The following DNAH1 variants were observed in gnomAD, a reference collection of about 807,000 sequenced individuals.
DNAH1 encodes the protein dynein axonemal heavy chain 1.
DNAH1 carries 327 observed loss-of-function variants against 484.3 expected under a neutral mutation model. The ratio of observed to expected loss-of-function variants is 0.68; its 90% confidence interval spans 0.62 to 0.74. DNAH1 has a LOEUF of 0.74. Ranked by LOEUF, DNAH1 falls within the 30% of genes least tolerant of loss-of-function variation. The pLI is 0.00. For synonymous variants in DNAH1, 2,192 were observed against 2,191.9 expected, an observed-to-expected ratio of 1.00 and a Z score of 0.00; for missense variants, 5,052 against 5,546.8, an observed-to-expected ratio of 0.91 and a Z score of 2.83.
Position 52,363,056 on chromosome 3 carries a change from T to C in DNAH1, c.5156T>C (p.Leu1719Pro). ...TACGCCATGATCACTGAGATCTCCC[T>C]CTATTCCTTTGGCTTTAATGAGGCC... ...PDYAMITEISLYSFGFNEASV... is the reference protein window; with the variant it reads ...PDYAMITEISPYSFGFNEASV... Residue 1719 changes from leucine to proline, a missense_variant, in exon 32 of 78, where the codon CTC becomes CCC. By Grantham distance (98) the Leu-to-Pro change is moderately conservative (BLOSUM62 -3). This residue lies in a region of DNAH1 where 2,929 missense variants were observed against 3,409.4 expected (regional missense o/e 0.86). Transcript: ENST00000420323. 3 of 1,614,012 alleles carry C rather than the reference T, an allele frequency of 1.9e-6. No individual in the cohort carries two copies. Among genetic ancestry groups the C allele is most frequent in the Non-Finnish European group, 2.5e-6 (3 of 1,179,874 alleles).
chr3:52,326,613 G>A lies in DNAH1; in HGVS notation c.582-122G>A, dbSNP rs1246922419. 8.1e-6 allele frequency: 10 copies of A among 1,238,196 alleles called. No homozygotes were observed. In the South Asian group the frequency reaches 1.2e-4, roughly 15 times the overall value. 76.7% of individuals were successfully genotyped at this position (1,238,196 alleles called of 1,614,324 possible). On this transcript the variant is annotated intron_variant, in intron 4 of 77. Transcript: ENST00000420323. ...CTGATGAGTCTCAGAGGGGTGGAGGGCTCCAGAGGGGTCTCTCGGCCACAC... is the reference window on the plus strand; with the variant it reads ...CTGATGAGTCTCAGAGGGGTGGAGGACTCCAGAGGGGTCTCTCGGCCACAC...
chr3:52,341,480 A>G (rs1481189642), intron 8 of DNAH1, among the ~76,000 whole-genome samples: 1 of 150,484 alleles, frequency 6.6e-6, no homozygotes, highest in East Asian at 1.9e-4. Context: ...CAAGCATGGC[A>G]CCACCGTATT....
intron 6 of DNAH1, 54 bp from the exon 7 acceptor site, chr3:52,331,094 C>T (rs1400035352): frequency 6.5e-7 from 1 of 1,538,064 alleles, no homozygotes; most frequent in Non-Finnish European, 8.8e-7. Context: ...ACTCAGAGGC[C>T]CCTTCCTGCC....
intron 41 of DNAH1, among the ~76,000 whole-genome samples, chr3:52,371,553 A>G (rs2153224757): frequency 6.6e-6 from 1 of 152,298 alleles, no homozygotes; most frequent in East Asian, 1.9e-4. Context: ...ACCAGTGCCC[A>G]TGGTTCTGGC....
chr3:52,393,364 A>T lies in DNAH1; in HGVS notation c.10505A>T (p.Asn3502Ile), dbSNP rs766390523. 10 of 1,613,548 alleles carry T rather than the reference A, an allele frequency of 6.2e-6. No individual in the cohort carries two copies. In the African/African-American group the frequency reaches 1.3e-4, roughly 22 times the overall value. The stretch of plus-strand genomic sequence containing the variant: ...CTGAAGAAGCGCATCTCCAACATCA[A>T]CCGCTACCTGACCTACAGCCTCTAC... The part of the protein sequence containing the change: ...DNLKKRISNI[N>I]RYLTYSLYSN... The change falls in exon 66 of 78, where the codon AAC becomes ATC. Residue 3502 changes from asparagine (N) to isoleucine (I), a missense_variant. Around this residue, in one of 4 missense-constraint regions of DNAH1, gnomAD observed 2,929 missense variants for 3,409.4 expected, o/e 0.86. Transcript: ENST00000420323.
chr3:52,359,373 A>G lies in DNAH1; in HGVS notation c.4394A>G (p.Gln1465Arg). Residue 1465 changes from glutamine to arginine, a missense_variant, in exon 26 of 78, where the codon CAG becomes CGG. Gln to Arg is a conservative substitution (Grantham distance 43). Coordinates refer to ENST00000420323, the MANE Select transcript of DNAH1 (RefSeq NM_015512.5). ...AACCTCAGAAGCCAACTGTTCCCCCAGCTCTGCCAGCAGGTTGGAGTCAAG... is the reference window on the plus strand; with the variant it reads ...AACCTCAGAAGCCAACTGTTCCCCCGGCTCTGCCAGCAGGTTGGAGTCAAG... ...AGNLRSQLFP[Q>R]LCQQLSDLVA... 1 of 1,570,116 alleles carries G rather than the reference A, an allele frequency of 6.4e-7. No homozygotes were observed. The highest frequency in any genetic ancestry group is 8.6e-7 in the Non-Finnish European group (1 of 1,156,932).
Position 52,388,841 on chromosome 3 carries a change from G to A in DNAH1, c.9399G>A (p.Trp3133Ter). Residue 3133 changes from tryptophan (W) to a stop codon, truncating the protein, a stop_gained, in exon 59 of 78, where the codon TGG becomes TGA. Transcript: ENST00000420323. LOFTEE classifies it high-confidence loss of function. ...INGLSDEKVR[W>*]QETVENLQYM... ...GGCTGTCGGATGAGAAGGTGCGCTG[G>A]CAGGAGACGGTGGAGAACCTGCAGT... The A allele has an allele frequency of 6.2e-7, 1 of 1,613,732 alleles. No homozygotes were observed. Among genetic ancestry groups the A allele is most frequent in the Non-Finnish European group, 8.5e-7 (1 of 1,179,868 alleles).
At chr3:52,392,799 T>TGGGGGGGGGGGGGGGGGGGGGG in intron 64 of DNAH1, 31 bp from the exon 65 acceptor site, 6 of 1,274,364 alleles carry the variant, frequency 4.7e-6, no homozygotes, top group Non-Finnish European at 5.4e-6. Context: ...TTCTGCTCTT[T>TGGGGGGGGGGGGGGGGGGGGGG]GACCCCTCCC....
chr3:52,328,428 C>A (rs906274187), intron 6 of DNAH1, among the ~76,000 whole-genome samples: 1 of 152,198 alleles, frequency 6.6e-6, no homozygotes, highest in East Asian at 1.9e-4. Flanking sequence ...CACACTTGCT[C>A]ACAAACACAA....
At position 52,328,027 on chromosome 3, in the gene DNAH1, A is replaced by C; in HGVS notation, c.871+13A>C. ...TTCCTGGGGCATGGTGAGCAAGGCCACTCTGGAGTGGGGACACTATCTCAT... is the reference window on the plus strand; with the variant it reads ...TTCCTGGGGCATGGTGAGCAAGGCCCCTCTGGAGTGGGGACACTATCTCAT... On this transcript the variant is annotated intron_variant, in intron 6 of 77. Coordinates refer to ENST00000420323, the MANE Select transcript of DNAH1 (RefSeq NM_015512.5). The C allele has an allele frequency of 6.2e-7, 1 of 1,612,066 alleles. No individual in the cohort carries two copies.
chr3:52,367,163 A>G (rs1703119522), intron 36 of DNAH1, among the ~76,000 whole-genome samples: 1 of 152,122 alleles, frequency 6.6e-6, no homozygotes, highest in African/African-American at 2.4e-5. Context: ...GTATCTGGCC[A>G]TTGTCATGAC....
intron 38 of DNAH1, 21 bp downstream of exon 38, chr3:52,370,040 G>A (rs765820759): frequency 1.2e-6 from 2 of 1,613,414 alleles, no homozygotes; most frequent in Non-Finnish European, 1.7e-6. Flanking sequence ...CCACGGGTAT[G>A]TCTGACCCTG....
chr3:52,360,166 G>T (rs775108115), intron 27 of DNAH1, 87 bp downstream of exon 27: 35 of 1,583,944 alleles, frequency 2.2e-5, no homozygotes, highest in Non-Finnish European at 3.0e-5. Context: ...CAATAAGCTG[G>T]TCTCTGTCCT....
chr3:52,374,209 T>C, intron 44 of DNAH1: 1 of 1,356,522 alleles, frequency 7.4e-7, no homozygotes, highest in Non-Finnish European at 1.1e-6. Flanking sequence ...AAACAGAGCA[T>C]CATAATGGCA....
chr3:52,351,164 T>G (rs1274258189), intron 16 of DNAH1, among the ~76,000 whole-genome samples: 2 of 152,250 alleles, frequency 1.3e-5, no homozygotes, highest in African/African-American at 4.8e-5. Context: ...ACACGTATTT[T>G]ACTGTGGACC....
chr3:52,378,513 A>G, intron 46 of DNAH1, 89 bp from the exon 47 acceptor site: 1 of 1,414,232 alleles, frequency 7.1e-7, no homozygotes, highest in Non-Finnish European at 9.9e-7. Context: ...TGGGGGGCAC[A>G]GCACAGCAAA....
intron 49 of DNAH1, 34 bp from the exon 50 acceptor site, chr3:52,382,286 C>T: frequency 1.2e-6 from 2 of 1,613,838 alleles, no homozygotes; most frequent in Non-Finnish European, 8.5e-7. Flanking sequence ...GCCCCAAGTC[C>T]CTGGCATGCT....
chr3:52,321,077 G>A (rs1240043673), intron 1 of DNAH1, among the ~76,000 whole-genome samples: 1 of 151,766 alleles, frequency 6.6e-6, no homozygotes, highest in Non-Finnish European at 1.5e-5. Context: ...TGGGATTACA[G>A]GCATGAGCCA....
intron 1 of DNAH1, among the ~76,000 whole-genome samples, chr3:52,317,083 G>A (rs1700973788): frequency 6.6e-6 from 1 of 152,084 alleles, no homozygotes; most frequent in East Asian, 1.9e-4. Flanking sequence ...ATCTAGCTAT[G>A]CTTACCTATA....
Sources: allele counts gnomAD v4.1 joint callset (sites outside exome capture counted in the v4.1 genomes callset), GRCh38; gene constraint gnomAD v4.1.1; regional missense constraint gnomAD v4.1.1; transcripts MANE v1.5; gene names NCBI Gene and HGNC (gene_info 2026-07-23, HGNC 2026-07-21).